Variants in ITPRID1 observed in about 807,000 individuals in gnomAD.
ITPRID1 encodes the protein ITPR interacting domain containing 1.
A neutral mutation model predicts 95.4 loss-of-function variants in ITPRID1; 96 were observed. That is an observed-to-expected ratio of 1.01 (90% CI 0.85 to 1.19). ITPRID1 has a LOEUF of 1.19. Ranked by LOEUF, ITPRID1 falls within the 50% of genes most tolerant of loss-of-function variation. ITPRID1 has a pLI of 0.00. For synonymous variants in ITPRID1, 510 were observed against 453.6 expected, an observed-to-expected ratio of 1.12 and a Z score of -1.58; for missense variants, 1,339 against 1,252.9, an observed-to-expected ratio of 1.07 and a Z score of -1.04.
chr7:31,649,498 G>C (rs1464492684), intron 12 of ITPRID1, among the ~76,000 whole-genome samples: 1 of 152,172 alleles, frequency 6.6e-6, no homozygotes, highest in African/African-American at 2.4e-5. Flanking sequence ...GGAATGCTGG[G>C]AAATGTAATT....
chr7:31,581,004 A>G (rs927109718), intron 9 of ITPRID1, among the ~76,000 whole-genome samples: 2 of 152,208 alleles, frequency 1.3e-5, no homozygotes, highest in African/African-American at 2.4e-5. Flanking sequence ...ACTCAATACC[A>G]GTGGATGAGT....
intron 2 of ITPRID1, among the ~76,000 whole-genome samples, chr7:31,552,373 A>ATCTGC: frequency 2.0e-5 from 2 of 102,464 alleles, no homozygotes; most frequent in Non-Finnish European, 4.9e-5. Flanking sequence ...AAATTGTGAC[A>ATCTGC]ATTATATTAC....
intron 1 of ITPRID1, among the ~76,000 whole-genome samples, chr7:31,524,338 A>G (rs217167): frequency 0.42 from 63,270 of 152,030 alleles, 14,208 homozygotes; most frequent in East Asian, 0.61. Context: ...AAATGAAAAT[A>G]CTTCCCAGCT....
intron 10 of ITPRID1, among the ~76,000 whole-genome samples, chr7:31,637,569 C>T (rs555561230): frequency 5.9e-4 from 90 of 152,268 alleles, no homozygotes; most frequent in African/African-American, 1.9e-3. Flanking sequence ...CCTTTACCCA[C>T]TTTTTGATGG....
At position 31,610,348 on chromosome 7, in the gene ITPRID1, C is replaced by A. The variant is rs539220985; in HGVS notation, c.1228+27157C>A. ...CATACTAGAAAATACCTATTTAATT[C>A]AAAAAAATGCAGTAATGCAGGAGTA... On this transcript the variant is annotated intron_variant, in intron 10 of 14. Transcript: ENST00000615280. Among the ~76,000 whole-genome samples, 41 of 151,452 alleles carry A rather than the reference C, an allele frequency of 2.7e-4. 1 individual carries two copies. The South Asian group carries it at 2.7e-3, about 10-fold the overall frequency.
chr7:31,553,114 G>C lies in ITPRID1; in HGVS notation c.90G>C (p.Ala30=). ...KREILKCTKS[A]WAPLDEWLPP... is the part of the protein sequence containing the mutation. ...AGATCCTGAAGTGCACCAAAAGCGC[G>C]TGGGCTCCGCTGGATGAGTGGCTGC... Residue 30 remains alanine, a synonymous_variant, in exon 3 of 15, where the codon GCG becomes GCC. Coordinates refer to ENST00000615280, the MANE Select transcript of ITPRID1 (RefSeq NM_001257967.3). 6.2e-7 allele frequency: 1 copy of C among 1,600,912 alleles called. No individual in the cohort carries two copies. The highest frequency in any genetic ancestry group is 8.5e-7 in the Non-Finnish European group (1 of 1,173,218).
chr7:31,572,256 A>G, intron 7 of ITPRID1, 68 bp downstream of exon 7: 1 of 967,210 alleles, frequency 1.0e-6, no homozygotes, highest in Non-Finnish European at 1.6e-6. Flanking sequence ...TCATGAAATT[A>G]TAAATAGGCA....
chr7:31,619,655 G>C (rs1259529866), intron 10 of ITPRID1, among the ~76,000 whole-genome samples: 2 of 152,104 alleles, frequency 1.3e-5, no homozygotes, highest in African/African-American at 4.8e-5. Flanking sequence ...AACAGCTCCA[G>C]TCTACAGCCC....
At chr7:31,558,752 T>C (rs1036486626) in intron 5 of ITPRID1, among the ~76,000 whole-genome samples, 2 of 152,196 alleles carry the variant, frequency 1.3e-5, no homozygotes, top group Admixed American at 1.3e-4. Context: ...AAGTTCCTGC[T>C]CTTTTAACCA....
chr7:31,538,097 A>G (rs925374356), intron 1 of ITPRID1, among the ~76,000 whole-genome samples: 1 of 152,228 alleles, frequency 6.6e-6, no homozygotes, highest in African/African-American at 2.4e-5. Flanking sequence ...GATCTTCAGA[A>G]ATATTTATGA....
chr7:31,516,394 CTTGT>C (rs1783041692), intron 1 of ITPRID1, among the ~76,000 whole-genome samples: 1 of 152,172 alleles, frequency 6.6e-6, no homozygotes, highest in African/African-American at 2.4e-5. Context: ...ATTATACAAT[CTTGT>C]TTATTATTTC....
At position 31,578,332 on chromosome 7, in the gene ITPRID1, A is replaced by G; in HGVS notation, c.1068A>G (p.Ser356=). ...QAPPSCVSEG[S]VKGRTQKENL... ...CTCCTTCCTGTGTGTCTGAGGGGTC[A>G]GTCAAGGGCAGAACTCAGAAGGAGA... is the stretch of plus-strand genomic sequence containing the variant. The change falls in exon 9 of 15, where the codon TCA becomes TCG. Residue 356 remains serine (S), a synonymous_variant. Transcript: ENST00000615280. 6.2e-7 allele frequency: 1 copy of G among 1,613,924 alleles called. No individual in the cohort carries two copies. The highest frequency in any genetic ancestry group is 8.5e-7 in the Non-Finnish European group (1 of 1,179,846).
chr7:31,631,868 C>T (rs1220609398), intron 10 of ITPRID1, among the ~76,000 whole-genome samples: 1 of 152,176 alleles, frequency 6.6e-6, no homozygotes, highest in Non-Finnish European at 1.5e-5. Flanking sequence ...ATAACTACTA[C>T]TATTTTCAGT....
At chr7:31,519,039 G>C (rs2128126245) in intron 1 of ITPRID1, among the ~76,000 whole-genome samples, 1 of 152,194 alleles carries the variant, frequency 6.6e-6, no homozygotes, top group South Asian at 2.1e-4. Context: ...GATGACAGTA[G>C]CCCAAATTTC....
At position 31,656,161 on chromosome 7, in the gene ITPRID1, G is replaced by C. The variant is rs1167890502; in HGVS notation, c.*3332G>C. The C allele has an allele frequency of 2.9e-6, 1 of 349,678 alleles. No individual in the cohort carries two copies. Among genetic ancestry groups the C allele is most frequent in the Non-Finnish European group, 4.0e-6 (1 of 249,226 alleles). The allele number at this position is 349,678 out of a possible 1,614,324, so 21.7% of individuals were successfully genotyped here. On this transcript the variant is annotated 3_prime_UTR_variant, in exon 15 of 15. Coordinates refer to ENST00000615280, the MANE Select transcript of ITPRID1 (RefSeq NM_001257967.3). ...TTTGTTAAAACACTGAAAACCTCCT[G>C]TCTTGTGTTACCATTATCTGTGTAG...
chr7:31,615,234 T>C (rs1191885383), intron 10 of ITPRID1, among the ~76,000 whole-genome samples: 1 of 151,974 alleles, frequency 6.6e-6, no homozygotes, highest in Non-Finnish European at 1.5e-5. Flanking sequence ...TAGTGAAAAA[T>C]CAAAGATTTG....
intron 5 of ITPRID1, among the ~76,000 whole-genome samples, chr7:31,566,337 A>G (rs971772710): frequency 6.6e-5 from 10 of 152,234 alleles, no homozygotes; most frequent in Non-Finnish European, 1.5e-4. Context: ...CCTGATGTAC[A>G]CGTTTATTCA....
chr7:31,598,830 TATAATC>T (rs1402059672), intron 10 of ITPRID1, among the ~76,000 whole-genome samples: 5 of 152,244 alleles, frequency 3.3e-5, no homozygotes, highest in Non-Finnish European at 4.4e-5. Context: ...TTTACCCTGT[TATAATC>T]AGGAGCAGAT....
At chr7:31,560,694 T>C (rs1784594643) in intron 5 of ITPRID1, among the ~76,000 whole-genome samples, 1 of 152,154 alleles carries the variant, frequency 6.6e-6, no homozygotes, top group Non-Finnish European at 1.5e-5. Context: ...TGGCAATTTA[T>C]TGGGATGGGA....
Sources: allele counts gnomAD v4.1 joint callset (sites outside exome capture counted in the v4.1 genomes callset), GRCh38; gene constraint gnomAD v4.1.1; transcripts MANE v1.5; gene names NCBI Gene and HGNC (gene_info 2026-07-23, HGNC 2026-07-21).